ERCC2: variants seen among roughly 807,000 people sequenced by gnomAD.
ERCC2 encodes ERCC excision repair 2, TFIIH core complex helicase subunit.
A neutral mutation model predicts 99.4 loss-of-function variants in ERCC2; 90 were observed. The observed-to-expected ratio is 0.91, with a 90% CI of 0.76 to 1.08. ERCC2 has a LOEUF of 1.08. Among genes scored for constraint, ERCC2 ranks in the 50% least tolerant of loss-of-function variants. The pLI is 0.00. For synonymous variants in ERCC2, 497 were observed against 432.4 expected (o/e 1.15, Z -1.85); for missense variants, 993 against 1,038.1 (o/e 0.96, Z 0.60).
At position 45,355,718 on chromosome 19, in the gene ERCC2, C is replaced by T. The variant is rs757432268; in HGVS notation, c.1490G>A (p.Arg497His). Residue 497 changes from arginine (R) to histidine (H), a missense_variant, in exon 16 of 23, where the codon CGT becomes CAT. Arg to His is a conservative substitution (Grantham distance 29). This residue lies in a region of ERCC2 where 909 missense variants were observed against 930.8 expected (regional missense o/e 0.98). Transcript: ENST00000391945. ...RVCLCPMIIG[R>H]GNDQVAISSK... ...GCTGATGGCCACCTGGTCATTGCCA[C>T]GGCCGATGATCTGGAGAGCAACAGA... 25 of 1,613,912 alleles carry T rather than the reference C, an allele frequency of 1.5e-5. No homozygotes were observed. The highest frequency in any genetic ancestry group is 1.1e-4 in the East Asian group (5 of 44,886).
At chr19:45,364,660 C>T in intron 7 of ERCC2, 113 bp from the exon 8 acceptor site, 1 of 1,510,362 alleles carries the variant, frequency 6.6e-7, no homozygotes, top group African/African-American at 1.4e-5. Flanking sequence ...AGACACAGGC[C>T]AGGCAGAAGT....
chr19:45,351,619 C>T lies in ERCC2; in HGVS notation c.*10G>A. The T allele has an allele frequency of 1.2e-6, 2 of 1,613,734 alleles. No homozygotes were observed. Among genetic ancestry groups the T allele is most frequent in the Non-Finnish European group, 1.7e-6 (2 of 1,179,856 alleles). On this transcript the variant is annotated 3_prime_UTR_variant, in exon 23 of 23. Coordinates refer to ENST00000391945, the MANE Select transcript of ERCC2 (RefSeq NM_000400.4). ...TCACCAGGAACCGTTTATGGCCCCA[C>T]CCGCCCCACTCAGAGCTGCTGAGCA...
chr19:45,365,240 T>C, intron 5 of ERCC2, 82 bp from the exon 6 acceptor site: 6 of 1,063,108 alleles, frequency 5.6e-6, no homozygotes, highest in Admixed American at 1.7e-5. Flanking sequence ...ACCTCCCAGC[T>C]GGCTGGGGTT....
intron 16 of ERCC2, 136 bp from the exon 17 acceptor site, chr19:45,354,987 C>CCTCCT: frequency 8.8e-7 from 1 of 1,140,256 alleles, no homozygotes. Context: ...CTCCTCCTCC[C>CCTCCT]GGGCGTGTCT....
intron 12 of ERCC2, among the ~76,000 whole-genome samples, chr19:45,361,125 G>A (rs538889816): frequency 1.2e-3 from 170 of 136,286 alleles, no homozygotes; most frequent in Non-Finnish European, 2.0e-3. Context: ...GCAAGACTCC[G>A]TCTCAAAAAA....
Position 45,370,146 on chromosome 19 carries a change from G to T in ERCC2, c.92C>A (p.Thr31Lys). The change falls in exon 2 of 23, where the codon ACG becomes AAG. Residue 31 changes from threonine (T) to lysine (K), a missense_variant. Thr to Lys is a moderately conservative substitution (Grantham distance 78). Around this residue, in one of 3 missense-constraint regions of ERCC2, gnomAD observed 55 missense variants for 45.1 expected, o/e 1.22. Coordinates refer to ENST00000391945, the MANE Select transcript of ERCC2 (RefSeq NM_000400.4). ...QFSYMRELKRTLDAKGHGVLE... is the reference protein window; with the variant it reads ...QFSYMRELKRKLDAKGHGVLE... ...CCGGCCACCCACCTTGGCGTCCAGC[G>T]TGCGTTTGAGCTCCCGCATGTAGGA... The T allele has an allele frequency of 6.2e-7, 1 of 1,613,050 alleles. No homozygotes were observed. Among genetic ancestry groups the T allele is most frequent in the Non-Finnish European group, 8.5e-7 (1 of 1,179,270 alleles).
intron 12 of ERCC2, 168 bp from the exon 13 acceptor site, chr19:45,357,867 A>G (rs1972067852): frequency 1.5e-6 from 1 of 680,390 alleles, no homozygotes; most frequent in African/African-American, 1.8e-5. Flanking sequence ...CAGGCATCTG[A>G]GTCCAAAATA....
At chr19:45,355,589 C>A (rs1465724219) in intron 16 of ERCC2, 76 bp downstream of exon 16, 6 of 1,264,042 alleles carry the variant, frequency 4.7e-6, no homozygotes, top group Non-Finnish European at 7.0e-6. Flanking sequence ...TTTGTTACAG[C>A]AGCATGACTC....
At position 45,364,087 on chromosome 19, in the gene ERCC2, T is replaced by A. The variant is rs571265507; in HGVS notation, c.848A>T (p.Asp283Val). 3.1e-6 allele frequency: 5 copies of A among 1,602,526 alleles called. No homozygotes were observed. The African/African-American group carries it at 5.3e-5, about 17-fold the overall frequency. ...CCCCTCCACCAGACGCCGGTACTCG[T>A]CCCGCAGGCGCTGCTCGTCTGTCTC... ...IKETDEQRLR[D>V]EYRRLVEGLR... is the part of the protein sequence containing the mutation. Residue 283 changes from aspartate (D) to valine (V), a missense_variant, in exon 10 of 23, where the codon GAC (aspartate) becomes GTC (valine). Asp to Val is a radical substitution (Grantham distance 152, BLOSUM62 -3). Around this residue, in one of 3 missense-constraint regions of ERCC2, gnomAD observed 909 missense variants for 930.8 expected, o/e 0.98. Transcript: ENST00000391945.
At chr19:45,357,955 G>A (rs767941721) in intron 12 of ERCC2, 41 of 566,672 alleles carry the variant, frequency 7.2e-5, no homozygotes, top group Non-Finnish European at 1.1e-4. Flanking sequence ...CCACAGCCCC[G>A]CCCACTGCTC....
Position 45,350,235 on chromosome 19 carries a change from A to AACAT in ERCC2, c.*1390_*1393dup. On this transcript the variant is annotated 3_prime_UTR_variant, in exon 23 of 23. Coordinates refer to ENST00000391945, the MANE Select transcript of ERCC2 (RefSeq NM_000400.4). Reference sequence around the variant, plus strand: ...CTAGGAGTTCAAGACCAGCCTGGGCAACATACCAAGACCCCTGTCTCTACA... The same window carrying AACAT: ...CTAGGAGTTCAAGACCAGCCTGGGCAACATACATACCAAGACCCCTGTCTCTACA... 4 of 807,254 alleles carry AACAT rather than the reference A, an allele frequency of 5.0e-6. No individual in the cohort carries two copies. The South Asian group carries it at 6.6e-5, about 13-fold the overall frequency. 50.0% of individuals were successfully genotyped at this position (807,254 alleles called of 1,614,324 possible).
In ERCC2 at chr19:45,350,798, G is replaced by GCCCAC; in HGVS notation, c.*826_*830dup. 1 of 1,434,616 alleles carries GCCCAC rather than the reference G, an allele frequency of 7.0e-7. No homozygotes were observed. The highest frequency in any genetic ancestry group is 9.6e-7 in the Non-Finnish European group (1 of 1,039,836). The allele number at this position is 1,434,616 out of a possible 1,614,324, so 88.9% of individuals were successfully genotyped here. ...AGCCCTGACATCAGCAGAATCCACA[G>GCCCAC]CCCACCCCACCCCCACCCCCATCTT... On this transcript the variant is annotated 3_prime_UTR_variant, in exon 23 of 23. Transcript: ENST00000391945.
At chr19:45,361,470 A>C in intron 12 of ERCC2, 54 bp downstream of exon 12, 1 of 1,285,320 alleles carries the variant, frequency 7.8e-7, no homozygotes, top group South Asian at 1.2e-5. Flanking sequence ...CCCTGCTGGG[A>C]CCCTGATTCC....
chr19:45,358,844 T>C, intron 12 of ERCC2: 1 of 780,924 alleles, frequency 1.3e-6, no homozygotes, highest in East Asian at 2.4e-5. Context: ...CCATCTGGAA[T>C]ATAAGTTCTG....
In ERCC2 at chr19:45,354,442, AAGC is replaced by A. The variant is rs558961030; in HGVS notation, c.1665+285_1665+287del. Among the ~76,000 whole-genome samples the A allele has an allele frequency of 2.2e-3, 336 of 152,276 alleles. 2 individuals are homozygous for A. The highest frequency in any genetic ancestry group is 7.7e-3 in the African/African-American group (322 of 41,558). ...GGATAACAGGGATGGGTAACCCCAAAAGCAGCAGAGAAGCAAGGAACCTAGAAC... is the reference window on the plus strand; with the variant it reads ...GGATAACAGGGATGGGTAACCCCAAAAGCAGAGAAGCAAGGAACCTAGAAC... On this transcript the variant is annotated intron_variant, in intron 17 of 22. Transcript: ENST00000391945.
At position 45,369,068 on chromosome 19, in the gene ERCC2, A is replaced by T. The variant is rs201127596; in HGVS notation, c.183+2T>A. ...CCTTTACGGGTTCAGCGCATCACTC[A>T]CTCTCTGGTATGCCATGATCAGGGC... On this transcript the variant is annotated splice_donor_variant, in intron 3 of 22. Coordinates refer to ENST00000391945, the MANE Select transcript of ERCC2 (RefSeq NM_000400.4). LOFTEE classifies it high-confidence loss of function. 59 of 1,613,062 alleles carry T rather than the reference A, an allele frequency of 3.7e-5. No individual in the cohort carries two copies. The highest frequency in any genetic ancestry group is 4.6e-5 in the Non-Finnish European group (54 of 1,179,776).
chr19:45,353,913 G>T (rs1334319642), intron 17 of ERCC2, among the ~76,000 whole-genome samples: 2 of 152,212 alleles, frequency 1.3e-5, no homozygotes, highest in Non-Finnish European at 2.9e-5. Context: ...AGGAAACAAA[G>T]GAGCCTCTCT....
At position 45,355,697 on chromosome 19, in the gene ERCC2, A is replaced by T; in HGVS notation, c.1511T>A (p.Ile504Asn). The change falls in exon 16 of 23, where the codon ATC becomes AAC. Residue 504 changes from isoleucine (I) to asparagine (N), a missense_variant. Ile to Asn is a moderately radical substitution (Grantham distance 149). Around this residue, in one of 3 missense-constraint regions of ERCC2, gnomAD observed 909 missense variants for 930.8 expected, o/e 0.98. Coordinates refer to ENST00000391945, the MANE Select transcript of ERCC2 (RefSeq NM_000400.4). Reference sequence around the variant, plus strand: ...CTCCCGGGTCTCAAATTTGGAGCTGATGGCCACCTGGTCATTGCCACGGCC... The same window carrying T: ...CTCCCGGGTCTCAAATTTGGAGCTGTTGGCCACCTGGTCATTGCCACGGCC... Reference protein sequence around the residue: ...IIGRGNDQVAISSKFETREDI... With the variant: ...IIGRGNDQVANSSKFETREDI... The T allele has an allele frequency of 6.2e-7, 1 of 1,613,984 alleles. No individual in the cohort carries two copies. Among genetic ancestry groups the T allele is most frequent in the Non-Finnish European group, 8.5e-7 (1 of 1,179,936 alleles).
intron 13 of ERCC2, 36 bp from the exon 14 acceptor site, chr19:45,357,579 C>A: frequency 6.2e-7 from 1 of 1,613,888 alleles, no homozygotes; most frequent in Non-Finnish European, 8.5e-7. Context: ...GCCCGGGGGG[C>A]TGGGCCCCCG....
Sources: allele counts gnomAD v4.1 joint callset (sites outside exome capture counted in the v4.1 genomes callset), GRCh38; gene constraint gnomAD v4.1.1; regional missense constraint gnomAD v4.1.1; transcripts MANE v1.5; gene names NCBI Gene and HGNC (gene_info 2026-07-23, HGNC 2026-07-21).